The following CHD9 variants were observed in gnomAD, a reference collection of about 807,000 sequenced individuals.
CHD9 encodes the protein ATP-dependent chromatin remodeler CHD9.
A neutral mutation model predicts 316.1 loss-of-function variants in CHD9; 77 were observed. The ratio of observed to expected loss-of-function variants is 0.24; its 90% CI spans 0.20 to 0.29. The LOEUF is 0.29. Ranked by LOEUF, CHD9 falls within the 10% of genes least tolerant of loss-of-function variation. The pLI, the probability that CHD9 is intolerant of heterozygous loss-of-function variation, is 1.00. For missense variants in CHD9, 2,763 were observed against 3,438.1 expected, an observed-to-expected ratio of 0.80 and a Z score of 4.91; for synonymous variants, 1,129 against 1,158.3, an observed-to-expected ratio of 0.97 and a Z score of 0.51.
intron 1 of CHD9, among the ~76,000 whole-genome samples, chr16:53,105,736 C>T (rs569677556): frequency 6.6e-6 from 1 of 151,932 alleles, no homozygotes; most frequent in East Asian, 1.9e-4. Context: ...TTCCTTTGAT[C>T]TGGGAGTTGG....
At chr16:53,170,137 C>A (rs1021974023) in intron 2 of CHD9, among the ~76,000 whole-genome samples, 1 of 151,476 alleles carries the variant, frequency 6.6e-6, no homozygotes, top group Non-Finnish European at 1.5e-5. Flanking sequence ...TAGTTTGTCC[C>A]ATTATTGGTG....
intron 21 of CHD9, 27 bp downstream of exon 21, chr16:53,267,517 C>G (rs1417494817): frequency 6.7e-7 from 1 of 1,490,840 alleles, no homozygotes; most frequent in Non-Finnish European, 9.1e-7. Flanking sequence ...AATGTTTGCT[C>G]TAAGTAGTCT....
At chr16:53,270,161 A>ATTTTTTTTT in intron 22 of CHD9, among the ~76,000 whole-genome samples, 1 of 118,612 alleles carries the variant, frequency 8.4e-6, no homozygotes, top group Non-Finnish European at 1.7e-5. Flanking sequence ...CACCTGGCTA[A>ATTTTTTTTT]TTTTTTTTTT....
rs533608903 is a variant in CHD9 at position 53,067,984 on chromosome 16, A to G, written c.-165+12907A>G. Among the ~76,000 whole-genome samples the G allele has an allele frequency of 2.6e-5, 4 of 152,244 alleles. No homozygotes were observed. The South Asian group carries it at 6.2e-4, about 24-fold the overall frequency. ...TGAGGCAGGAGAATTGCTTGAGCCC[A>G]GGAGGTCAAGTCTGCAGTGAGCTAA... On this transcript the variant is annotated intron_variant, in intron 1 of 38. Transcript: ENST00000447540.
intron 29 of CHD9, 122 bp downstream of exon 29, chr16:53,293,174 C>T: frequency 9.1e-6 from 7 of 769,518 alleles, no homozygotes; most frequent in South Asian, 3.5e-5. Context: ...TCAAAGCAAA[C>T]TGCTTTGTGC....
rs747574464 is a variant in CHD9, at chr16:53,324,911, C to T, written c.*16C>T. Reference sequence around the variant, plus strand: ...TGAAGACTGATTCCCAGACTCTGCACTTAAAATATGAACTGATTTTGGATT... The same window carrying T: ...TGAAGACTGATTCCCAGACTCTGCATTTAAAATATGAACTGATTTTGGATT... On this transcript the variant is annotated 3_prime_UTR_variant, in exon 39 of 39. Transcript: ENST00000447540. The T allele has an allele frequency of 1.3e-5, 20 of 1,542,266 alleles. No homozygotes were observed. The highest frequency in any genetic ancestry group is 1.5e-5 in the Non-Finnish European group (17 of 1,148,926).
Position 53,156,626 on chromosome 16 carries a change from A to G in CHD9, c.537A>G (p.Ser179=), listed in dbSNP as rs2041541395. The G allele has an allele frequency of 1.2e-6, 2 of 1,613,862 alleles. No homozygotes were observed. The highest frequency in any genetic ancestry group is 2.7e-5 in the African/African-American group (2 of 74,944). Residue 179 remains serine, a synonymous_variant, in exon 2 of 39, where the codon TCA becomes TCG. Transcript: ENST00000447540. ...AAACACAGTGTACTTCACTACGCTC[A>G]CAACAAAACAGAAATAATCTCAACC... The part of the protein sequence containing the change: ...EQQTQCTSLR[S]QQNRNNLNPG...
intron 26 of CHD9, among the ~76,000 whole-genome samples, chr16:53,287,095 A>G (rs1279026113): frequency 1.3e-5 from 2 of 152,080 alleles, no homozygotes; most frequent in East Asian, 3.9e-4. Context: ...AGTATCTGGG[A>G]CCACAGGCAC....
chr16:53,113,811 T>TTC (rs1487002503), intron 1 of CHD9, among the ~76,000 whole-genome samples: 1 of 152,106 alleles, frequency 6.6e-6, no homozygotes, highest in African/African-American at 2.4e-5. Context: ...GCGTAAGCGA[T>TTC]TCTCTCACCT....
At chr16:53,231,572 G>C in intron 9 of CHD9, 67 bp downstream of exon 9, 6 of 1,377,860 alleles carry the variant, frequency 4.4e-6, no homozygotes, top group Non-Finnish European at 6.0e-6. Flanking sequence ...TTAAGACCTA[G>C]TACTTTATTC....
At chr16:53,272,147 G>A (rs979198706) in intron 22 of CHD9, among the ~76,000 whole-genome samples, 2 of 151,702 alleles carry the variant, frequency 1.3e-5, no homozygotes, top group African/African-American at 4.8e-5. Flanking sequence ...AGTTTATTTA[G>A]TAAAACTACA....
At chr16:53,143,074 A>G (rs889049114) in intron 1 of CHD9, among the ~76,000 whole-genome samples, 4 of 152,170 alleles carry the variant, frequency 2.6e-5, no homozygotes, top group Non-Finnish European at 5.9e-5. Flanking sequence ...ACATTAATCC[A>G]TTCATGAGGG....
At chr16:53,126,720 C>G (rs1362074897) in intron 1 of CHD9, among the ~76,000 whole-genome samples, 2 of 151,772 alleles carry the variant, frequency 1.3e-5, no homozygotes, top group Non-Finnish European at 2.9e-5. Flanking sequence ...ACTCTGTCAC[C>G]CAGGCTGGAA....
chr16:53,173,184 T>C (rs747736672), intron 2 of CHD9, among the ~76,000 whole-genome samples: 1 of 152,166 alleles, frequency 6.6e-6, no homozygotes, highest in Non-Finnish European at 1.5e-5. Context: ...TAGATGGGAA[T>C]ATTTTTAATT....
intron 24 of CHD9, among the ~76,000 whole-genome samples, chr16:53,281,015 T>C (rs1322985905): frequency 6.6e-6 from 1 of 152,168 alleles, no homozygotes; most frequent in Non-Finnish European, 1.5e-5. Flanking sequence ...TTGCTAGCTC[T>C]TACTTCTCTA....
intron 3 of CHD9, among the ~76,000 whole-genome samples, chr16:53,219,740 G>A (rs1442272124): frequency 2.0e-5 from 3 of 152,140 alleles, no homozygotes; most frequent in African/African-American, 7.2e-5. Flanking sequence ...TTCTGTCTCT[G>A]TTCTTACTAT....
In CHD9 at chr16:53,315,014, T is replaced by C. The variant is rs756632938; in HGVS notation, c.7554T>C (p.Gly2518=). The C allele has an allele frequency of 6.2e-7, 1 of 1,613,452 alleles. No individual in the cohort carries two copies. Among genetic ancestry groups the C allele is most frequent in the Non-Finnish European group, 8.5e-7 (1 of 1,179,558 alleles). ...DLEKWLKEHP[G]YVEDLGAFIP... is the part of the protein sequence containing the mutation. ...AAAAATGGCTTAAGGAGCACCCGGG[T>C]TATGTGGAAGATTTGGGAGCTTTTA... Residue 2518 remains glycine, a synonymous_variant, in exon 36 of 39, where the codon GGT becomes GGC. Coordinates refer to ENST00000447540, the MANE Select transcript of CHD9 (RefSeq NM_001308319.2).
Position 53,226,405 on chromosome 16 carries a change from G to T in CHD9, c.1936G>T (p.Ala646Ser), listed in dbSNP as rs182254882. ...SNRQIKRKKY[A>S]EDIEGKQSEE... ...TCGACAAATTAAAAGAAAAAAATAC[G>T]CAGAAGATATAGAAGGGAAGCAATC... The change falls in exon 5 of 39, where the codon GCA becomes TCA. Residue 646 changes from alanine to serine, a missense_variant. Physicochemically the swap from Ala to Ser is moderately conservative, Grantham distance 99 (BLOSUM62 1). Coordinates refer to ENST00000447540, the MANE Select transcript of CHD9 (RefSeq NM_001308319.2). 2.3e-5 allele frequency: 36 copies of T among 1,584,272 alleles called. No homozygotes were observed. The Admixed American group carries it at 5.7e-4, about 25-fold the overall frequency.
intron 1 of CHD9, among the ~76,000 whole-genome samples, chr16:53,139,591 G>A (rs2039955421): frequency 6.6e-6 from 1 of 152,234 alleles, no homozygotes; most frequent in South Asian, 2.1e-4. Flanking sequence ...GAAGCCTATT[G>A]GTCATGGGAA....
Sources: allele counts gnomAD v4.1 joint callset (sites outside exome capture counted in the v4.1 genomes callset), GRCh38; gene constraint gnomAD v4.1.1; transcripts MANE v1.5; gene names NCBI Gene and HGNC (gene_info 2026-07-23, HGNC 2026-07-21).